Variants in SPAG9 observed in about 807,000 individuals in gnomAD.
The protein encoded by SPAG9 is C-Jun-amino-terminal kinase-interacting protein 4.
In SPAG9, 35 loss-of-function variants were observed where a neutral mutation model predicts 166.5. The observed-to-expected ratio is 0.21, with a 90% CI of 0.16 to 0.28. SPAG9 has a LOEUF of 0.28. Among genes scored for constraint, SPAG9 ranks in the 10% least tolerant of loss-of-function variants. The pLI, the probability that SPAG9 is intolerant of heterozygous loss-of-function variation, is 1.00. For synonymous variants in SPAG9, 534 were observed against 565.5 expected (o/e 0.94, Z 0.79); for missense variants, 1,235 against 1,603.3 (o/e 0.77, Z 3.92).
chr17:51,104,749 C>T (rs908023028), intron 1 of SPAG9, among the ~76,000 whole-genome samples: 3 of 151,674 alleles, frequency 2.0e-5, no homozygotes, highest in Non-Finnish European at 4.4e-5. Flanking sequence ...CTGGCTAACA[C>T]GGTGAAACCC....
intron 4 of SPAG9, among the ~76,000 whole-genome samples, chr17:51,042,758 G>A (rs112802608): frequency 0.011 from 1,728 of 152,228 alleles, 29 homozygotes; most frequent in African/African-American, 0.039. Flanking sequence ...CTATCCCAAT[G>A]CCTTCTTAAA....
At chr17:50,995,813 G>A (rs1230885401) in intron 16 of SPAG9, 11 of 329,726 alleles carry the variant, frequency 3.3e-5, no homozygotes, top group African/African-American at 2.2e-5. Flanking sequence ...ACAGGCACAG[G>A]CCACCACACC....
At position 50,966,496 on chromosome 17, in the gene SPAG9, G is replaced by C. The variant is rs150589061; in HGVS notation, c.3851-109C>G. 6.0e-4 allele frequency: 439 copies of C among 728,706 alleles called. 1 individual carries two copies. The East Asian group carries it at 9.5e-3, about 16-fold the overall frequency. 45.1% of individuals were successfully genotyped at this position (728,706 alleles called of 1,614,324 possible). On this transcript the variant is annotated intron_variant, in intron 29 of 29. Coordinates refer to ENST00000262013, the MANE Select transcript of SPAG9 (RefSeq NM_001130528.3). The stretch of plus-strand genomic sequence containing the variant: ...TCCATGAACAAGATGCCCAAAACTT[G>C]TCTGACTTTCACTGGAGAGTAAATA...
intron 1 of SPAG9, among the ~76,000 whole-genome samples, chr17:51,084,479 C>T (rs2048253150): frequency 6.6e-6 from 1 of 151,998 alleles, no homozygotes; most frequent in Non-Finnish European, 1.5e-5. Context: ...ACCTCCATCT[C>T]CTGGCTTCAA....
rs758657608 is a variant in SPAG9, at chr17:50,999,654, T to C, written c.1664+7A>G. On this transcript the variant is annotated splice_region_variant and intron_variant, in intron 14 of 29. Coordinates refer to ENST00000262013, the MANE Select transcript of SPAG9 (RefSeq NM_001130528.3). The stretch of plus-strand genomic sequence containing the variant: ...GCTGTCTAACATCTTTGTTTTTCAA[T>C]ACTTACAACTGCCAAATGCTTGACC... 2 of 1,610,404 alleles carry C rather than the reference T, an allele frequency of 1.2e-6. No homozygotes were observed. Among genetic ancestry groups the C allele is most frequent in the East Asian group, 2.2e-5 (1 of 44,826 alleles).
chr17:51,007,110 G>GGTGTGTGTGT (rs3075108), intron 10 of SPAG9, among the ~76,000 whole-genome samples, 159 bp downstream of exon 10: 40 of 145,988 alleles, frequency 2.7e-4, no homozygotes, highest in African/African-American at 9.5e-4. Flanking sequence ...CCAACATTAG[G>GGTGTGTGTGT]GTGTGTGTGT....
intron 3 of SPAG9, among the ~76,000 whole-genome samples, chr17:51,049,392 G>A (rs1284189336): frequency 6.6e-6 from 1 of 151,234 alleles, no homozygotes. Flanking sequence ...AAAAATAAAA[G>A]AGGTCAGGTG....
At chr17:51,090,308 G>A (rs926306159) in intron 1 of SPAG9, among the ~76,000 whole-genome samples, 7 of 151,982 alleles carry the variant, frequency 4.6e-5, no homozygotes, top group South Asian at 2.1e-4. Flanking sequence ...AGATCATGAG[G>A]TCAGGAATTC....
At chr17:50,975,118 G>T (rs1328023654) in intron 27 of SPAG9, 171 bp from the exon 28 acceptor site, 4 of 574,748 alleles carry the variant, frequency 7.0e-6, no homozygotes, top group Non-Finnish European at 1.2e-5. Flanking sequence ...GATACAGCAT[G>T]CTAGTTATTT....
intron 9 of SPAG9, among the ~76,000 whole-genome samples, chr17:51,012,814 C>T (rs2045545594): frequency 6.6e-6 from 1 of 151,046 alleles, no homozygotes; most frequent in Non-Finnish European, 1.5e-5. Flanking sequence ...GTGGTGCAAC[C>T]CAGGCTCACT....
chr17:51,116,196 C>T (rs1165957001), intron 1 of SPAG9, among the ~76,000 whole-genome samples: 3 of 152,128 alleles, frequency 2.0e-5, no homozygotes, highest in South Asian at 4.1e-4. Context: ...CAGGCACCCA[C>T]CACCACACCC....
intron 14 of SPAG9, among the ~76,000 whole-genome samples, chr17:50,998,926 GT>G (rs1328130562): frequency 6.6e-6 from 1 of 152,086 alleles, no homozygotes; most frequent in Non-Finnish European, 1.5e-5. Flanking sequence ...ATATATTTTG[GT>G]TTTTTTGCTA....
intron 1 of SPAG9, among the ~76,000 whole-genome samples, chr17:51,111,706 G>C (rs1418885500): frequency 6.6e-6 from 1 of 152,094 alleles, no homozygotes; most frequent in Non-Finnish European, 1.5e-5. Flanking sequence ...AGGTACAAGT[G>C]ATTTTCCTTC....
chr17:51,001,915 T>C (rs761381730), intron 12 of SPAG9, 70 bp from the exon 13 acceptor site: 2 of 1,415,548 alleles, frequency 1.4e-6, no homozygotes, highest in African/African-American at 1.5e-5. Context: ...CTCAGAGTTA[T>C]GCAAAATCTT....
At chr17:51,079,850 C>A in intron 1 of SPAG9, 146 bp from the exon 2 acceptor site, 2 of 534,268 alleles carry the variant, frequency 3.7e-6, no homozygotes, top group South Asian at 3.4e-5. Flanking sequence ...TTTAGTTTTT[C>A]TATAAAAATT....
chr17:51,048,968 T>C (rs2047106714), intron 3 of SPAG9, among the ~76,000 whole-genome samples: 2 of 152,164 alleles, frequency 1.3e-5, no homozygotes, highest in African/African-American at 4.8e-5. Context: ...AAGTCAGAAA[T>C]AATGAGCTTC....
chr17:51,078,066 A>T (rs1347389973), intron 2 of SPAG9, among the ~76,000 whole-genome samples: 1 of 152,112 alleles, frequency 6.6e-6, no homozygotes, highest in African/African-American at 2.4e-5. Context: ...AAGTGTTGGG[A>T]TTACAGCCAT....
intron 26 of SPAG9, among the ~76,000 whole-genome samples, chr17:50,977,663 G>T (rs1974298515): frequency 6.6e-6 from 1 of 152,140 alleles, no homozygotes; most frequent in Non-Finnish European, 1.5e-5. Context: ...TACAAGGTGG[G>T]ATGACTGCTT....
chr17:51,093,675 AC>A (rs1194353721), intron 1 of SPAG9, among the ~76,000 whole-genome samples: 1 of 144,500 alleles, frequency 6.9e-6, no homozygotes, highest in Non-Finnish European at 1.5e-5. Flanking sequence ...AGCCTGGGCG[AC>A]AGAGCAAGAC....
Sources: gnomAD v4.1 joint callset for allele counts (sites outside exome capture counted in the v4.1 genomes callset) on GRCh38, gnomAD v4.1.1 for gene constraint, MANE v1.5 for transcripts, NCBI Gene and HGNC (gene_info 2026-07-23, HGNC 2026-07-21) for gene names.